The following PTPRT variants were observed in gnomAD, a reference collection of about 807,000 sequenced individuals.
The protein encoded by PTPRT is receptor-type tyrosine-protein phosphatase T.
PTPRT carries 56 observed loss-of-function variants against 176.8 expected under a neutral mutation model. The ratio of observed to expected loss-of-function variants is 0.32; its 90% CI spans 0.26 to 0.40. The LOEUF (loss-of-function observed/expected upper bound fraction) is 0.40, where lower values mean the gene tolerates loss of function less well. Ranked by LOEUF, PTPRT falls within the 10% of genes least tolerant of loss-of-function variation. PTPRT has a pLI of 1.00. For missense variants in PTPRT, 1,540 were observed against 1,908.2 expected (o/e 0.81, Z 3.60); for synonymous variants, 783 against 739.0 (o/e 1.06, Z -0.96).
At chr20:43,038,907 A>T (rs544416176) in intron 1 of PTPRT, among the ~76,000 whole-genome samples, 1 of 152,364 alleles carries the variant, frequency 6.6e-6, no homozygotes, top group African/African-American at 2.4e-5. Flanking sequence ...GAAAACTCTT[A>T]AACTCCACTG....
chr20:42,098,001 C>CT (rs1985442351), intron 27 of PTPRT, among the ~76,000 whole-genome samples: 1 of 152,184 alleles, frequency 6.6e-6, no homozygotes, highest in Non-Finnish European at 1.5e-5. Context: ...GTCCCAGGCT[C>CT]TGTCTGTACA....
At chr20:43,172,446 C>T (rs2015024641) in intron 1 of PTPRT, among the ~76,000 whole-genome samples, 1 of 152,192 alleles carries the variant, frequency 6.6e-6, no homozygotes. Context: ...ATTAGAGTGA[C>T]CGACTCATCC....
intron 9 of PTPRT, among the ~76,000 whole-genome samples, chr20:42,382,718 G>T (rs2058708762): frequency 6.6e-6 from 1 of 152,098 alleles, no homozygotes. Flanking sequence ...GGGTGTAAGA[G>T]GAACCAGAGC....
chr20:42,321,382 T>C (rs947297695), intron 11 of PTPRT, among the ~76,000 whole-genome samples: 1 of 152,208 alleles, frequency 6.6e-6, no homozygotes, highest in African/African-American at 2.4e-5. Context: ...GCTCTCTAGA[T>C]AGTTAAATGT....
intron 15 of PTPRT, among the ~76,000 whole-genome samples, chr20:42,201,568 A>G (rs1312071150): frequency 6.6e-6 from 1 of 151,920 alleles, no homozygotes; most frequent in East Asian, 1.9e-4. Flanking sequence ...TCAGTAGGAG[A>G]GCTGTTTATT....
chr20:42,949,452 T>A (rs1359853910), intron 1 of PTPRT, among the ~76,000 whole-genome samples: 1 of 152,198 alleles, frequency 6.6e-6, no homozygotes. Context: ...ATTCCAGTTT[T>A]CTCAGCCCTG....
chr20:42,568,023 G>A (rs1379629419), intron 7 of PTPRT, among the ~76,000 whole-genome samples: 1 of 150,818 alleles, frequency 6.6e-6, no homozygotes, highest in African/African-American at 2.4e-5. Context: ...AGGCTGGAGT[G>A]CAGTGACACG....
At chr20:42,698,243 A>G (rs975622343) in intron 6 of PTPRT, among the ~76,000 whole-genome samples, 1 of 152,214 alleles carries the variant, frequency 6.6e-6, no homozygotes, top group Non-Finnish European at 1.5e-5. Flanking sequence ...TGATGTGAGC[A>G]CATTTAGGGG....
chr20:43,128,210 A>G (rs1011983025), intron 1 of PTPRT, among the ~76,000 whole-genome samples: 1 of 152,240 alleles, frequency 6.6e-6, no homozygotes, highest in African/African-American at 2.4e-5. Context: ...AAGCCAGCCC[A>G]AGGCCCCCAT....
intron 15 of PTPRT, among the ~76,000 whole-genome samples, chr20:42,209,010 C>T (rs916415398): frequency 1.1e-4 from 16 of 152,268 alleles, no homozygotes; most frequent in African/African-American, 2.2e-4. Flanking sequence ...AACCGCTCAA[C>T]GACATGGAAA....
At chr20:42,724,143 G>A (rs758752576) in intron 6 of PTPRT, among the ~76,000 whole-genome samples, 9 of 152,180 alleles carry the variant, frequency 5.9e-5, no homozygotes, top group Non-Finnish European at 1.0e-4. Context: ...GGTAGGCAAA[G>A]CAATAAAATC....
intron 1 of PTPRT, among the ~76,000 whole-genome samples, chr20:43,035,809 T>C (rs1341062749): frequency 6.6e-6 from 1 of 152,260 alleles, no homozygotes; most frequent in Non-Finnish European, 1.5e-5. Flanking sequence ...TTTCCACACT[T>C]ACAGCAAGCC....
At chr20:42,550,539 T>C (rs1033262896) in intron 7 of PTPRT, among the ~76,000 whole-genome samples, 1 of 152,070 alleles carries the variant, frequency 6.6e-6, no homozygotes, top group South Asian at 2.1e-4. Flanking sequence ...GCAGACCTAG[T>C]TGCATTCTTG....
intron 7 of PTPRT, among the ~76,000 whole-genome samples, chr20:42,528,935 T>G (rs2072327706): frequency 6.6e-6 from 1 of 152,256 alleles, no homozygotes; most frequent in South Asian, 2.1e-4. Context: ...TCAGACTTTG[T>G]GTCCTGACTT....
At chr20:42,352,338 C>G (rs1243212058) in intron 9 of PTPRT, 53 bp from the exon 10 acceptor site, 3 of 1,580,146 alleles carry the variant, frequency 1.9e-6, no homozygotes, top group Non-Finnish European at 2.6e-6. Context: ...ACTCAGGAAG[C>G]TGGATGGAGC....
intron 8 of PTPRT, among the ~76,000 whole-genome samples, chr20:42,453,142 C>T (rs1192847197): frequency 1.3e-5 from 2 of 152,138 alleles, no homozygotes; most frequent in Admixed American, 1.3e-4. Context: ...TTTGAGGTAT[C>T]ACTACCCATG....
At chr20:42,686,788 A>G (rs1162027427) in intron 6 of PTPRT, among the ~76,000 whole-genome samples, 1 of 152,078 alleles carries the variant, frequency 6.6e-6, no homozygotes, top group Non-Finnish European at 1.5e-5. Flanking sequence ...CACCCTGCTC[A>G]GCCCATAGTG....
At position 42,783,375 on chromosome 20, in the gene PTPRT, C is replaced by CAAA. The variant is rs11321200; in HGVS notation, c.487-3079_487-3077dup. Among the ~76,000 whole-genome samples, 774 of 146,282 alleles carry CAAA rather than the reference C, an allele frequency of 5.3e-3. 7 individuals are homozygous for CAAA. The highest frequency in any genetic ancestry group is 0.019 in the African/African-American group (727 of 38,468). On this transcript the variant is annotated intron_variant, in intron 3 of 30. Coordinates refer to ENST00000373187, the MANE Select transcript of PTPRT (RefSeq NM_007050.6). Reference sequence around the variant, plus strand: ...TGTGTAAAGGACTCTTGAGAATCAACAAAAAAAAAAACCCAAATCATTCAA... The same window carrying CAAA: ...TGTGTAAAGGACTCTTGAGAATCAACAAAAAAAAAAAAAACCCAAATCATTCAA...
In PTPRT at chr20:42,976,508, C is replaced by G. The variant is rs546658847; in HGVS notation, c.89-90576G>C. 2.0e-5 allele frequency among the ~76,000 whole-genome samples: 3 copies of G among 152,072 alleles called. No homozygotes were observed. In the South Asian group the frequency reaches 6.2e-4, roughly 32 times the overall value. ...GCAACCTCCGCCTCCTGGGTTCAAGCAATTCTTCCACCTCAGCCTCCCAAG... is the reference window on the plus strand; with the variant it reads ...GCAACCTCCGCCTCCTGGGTTCAAGGAATTCTTCCACCTCAGCCTCCCAAG... On this transcript the variant is annotated intron_variant, in intron 1 of 30. Coordinates refer to ENST00000373187, the MANE Select transcript of PTPRT (RefSeq NM_007050.6).
Sources: gnomAD v4.1 joint callset for allele counts (sites outside exome capture counted in the v4.1 genomes callset) on GRCh38, gnomAD v4.1.1 for gene constraint, MANE v1.5 for transcripts, NCBI Gene and HGNC (gene_info 2026-07-23, HGNC 2026-07-21) for gene names.